The following PCDHGB5 variants were observed in gnomAD, a reference collection of about 807,000 sequenced individuals.
PCDHGB5 encodes protocadherin gamma-B5.
A neutral mutation model predicts 62.9 loss-of-function variants in PCDHGB5; 48 were observed. The ratio of observed to expected loss-of-function variants is 0.76; its 90% CI spans 0.61 to 0.97. PCDHGB5 has a LOEUF of 0.97. Among genes scored for constraint, PCDHGB5 ranks in the 50% least tolerant of loss-of-function variants. The pLI is 0.00. For missense variants in PCDHGB5, 1,118 were observed against 1,198.6 expected, an observed-to-expected ratio of 0.93 and a Z score of 0.99; for synonymous variants, 474 against 511.2, an observed-to-expected ratio of 0.93 and a Z score of 0.98.
At position 141,489,244 on chromosome 5, in the gene PCDHGB5, G is replaced by C. The variant is rs145484133; in HGVS notation, c.2398-5563G>C. The C allele has an allele frequency of 3.3e-6, 5 of 1,534,936 alleles. No homozygotes were observed. Among genetic ancestry groups the C allele is most frequent in the African/African-American group, 1.4e-5 (1 of 72,374 alleles). On this transcript the variant is annotated intron_variant, in intron 1 of 3. Transcript: ENST00000617380. This position sits in a 1 kb window ranked among gnomAD's most constrained non-coding sequence, Gnocchi z 4.5. ...TCCACAAAGGGACTTCTGGGTCATGGGGCCCAAGACACTCCCACAGCTCGC... is the reference window on the plus strand; with the variant it reads ...TCCACAAAGGGACTTCTGGGTCATGCGGCCCAAGACACTCCCACAGCTCGC...
At chr5:141,434,784 A>T (rs967716221) in intron 1 of PCDHGB5, among the ~76,000 whole-genome samples, 11 of 150,278 alleles carry the variant, frequency 7.3e-5, no homozygotes, top group East Asian at 5.8e-4. Flanking sequence ...AAAAAAAAAA[A>T]TTTTTTTTTC....
chr5:141,491,291 C>T lies in PCDHGB5; in HGVS notation c.2398-3516C>T. 1 of 1,614,152 alleles carries T rather than the reference C, an allele frequency of 6.2e-7. No homozygotes were observed. The highest frequency in any genetic ancestry group is 8.5e-7 in the Non-Finnish European group (1 of 1,179,974). On this transcript the variant is annotated intron_variant, in intron 1 of 3. Coordinates refer to ENST00000617380, the MANE Select transcript of PCDHGB5 (RefSeq NM_018925.3). This position sits in a 1 kb window ranked among gnomAD's most constrained non-coding sequence, Gnocchi z 6.9. The stretch of plus-strand genomic sequence containing the variant: ...AAATCCAGTGACTTCCTCATACACC[C>T]TCCTGAGCGTTCAGACCTTACCCTT...
At chr5:141,426,033 C>G (rs978171140) in intron 1 of PCDHGB5, among the ~76,000 whole-genome samples, 14 of 152,162 alleles carry the variant, frequency 9.2e-5, no homozygotes, top group African/African-American at 3.1e-4. Context: ...AGACTCAGAG[C>G]CCTGCTGTTG....
At chr5:141,421,009 T>C (rs948913987) in intron 1 of PCDHGB5, 1 of 515,496 alleles carries the variant, frequency 1.9e-6, no homozygotes, top group East Asian at 3.2e-5. Flanking sequence ...AATCAGGGAA[T>C]GGGAAGCTGC....
At chr5:141,460,983 G>GTGTGTA (rs1554142949) in intron 1 of PCDHGB5, among the ~76,000 whole-genome samples, 82 of 137,842 alleles carry the variant, frequency 5.9e-4, no homozygotes, top group African/African-American at 1.9e-3. Flanking sequence ...GTGTGTGTGT[G>GTGTGTA]TATATATATA....
Position 141,491,190 on chromosome 5 carries a change from C to A in PCDHGB5, c.2398-3617C>A, listed in dbSNP as rs759736855. On this transcript the variant is annotated intron_variant, in intron 1 of 3. Transcript: ENST00000617380. The surrounding 1 kb of genome is among the most constrained non-coding windows in gnomAD (Gnocchi z 6.9). ...AGCAGGTGGTGGTCCTGGTGAGGGA[C>A]AATGGTGACCCTTCACTCTCCTCCA... 1 of 1,614,192 alleles carries A rather than the reference C, an allele frequency of 6.2e-7. No homozygotes were observed. The highest frequency in any genetic ancestry group is 1.1e-5 in the South Asian group (1 of 91,082).
chr5:141,410,945 C>A, intron 1 of PCDHGB5: 1 of 192,458 alleles, frequency 5.2e-6, no homozygotes, highest in Non-Finnish European at 1.0e-5. Context: ...CCTCCGCCTT[C>A]TGGGTTCAAG....
intron 2 of PCDHGB5, among the ~76,000 whole-genome samples, chr5:141,497,076 C>T (rs1052240279): frequency 5.9e-5 from 9 of 151,826 alleles, no homozygotes; most frequent in Non-Finnish European, 8.8e-5. Context: ...GTAATCCCAG[C>T]GACTTAGGAG....
At chr5:141,488,021 C>A (rs570700985) in intron 1 of PCDHGB5, among the ~76,000 whole-genome samples, 1 of 152,244 alleles carries the variant, frequency 6.6e-6, no homozygotes, top group East Asian at 1.9e-4. Flanking sequence ...TACCTTAACT[C>A]TAGGTTACCA....
Position 141,485,208 on chromosome 5 carries a change from G to T in PCDHGB5, c.2398-9599G>T, listed in dbSNP as rs2099609377. On this transcript the variant is annotated intron_variant, in intron 1 of 3. Coordinates refer to ENST00000617380, the MANE Select transcript of PCDHGB5 (RefSeq NM_018925.3). This position sits in a 1 kb window ranked among gnomAD's most constrained non-coding sequence, Gnocchi z 5.7. ...AAGGTGAGAAGCTGGACAGAAATCT[G>T]GCGGTGGGCTACCCTTTTGTTCCTC... The T allele has an allele frequency of 6.2e-7, 1 of 1,613,998 alleles. No homozygotes were observed. The highest frequency in any genetic ancestry group is 1.3e-5 in the African/African-American group (1 of 74,930).
chr5:141,421,251 G>C (rs771398829), intron 1 of PCDHGB5: 1 of 1,606,888 alleles, frequency 6.2e-7, no homozygotes, highest in Non-Finnish European at 8.5e-7. Context: ...TACAGCGCGG[G>C]GACCGCAGTC....
chr5:141,478,744 T>C, intron 1 of PCDHGB5: 1 of 1,528,172 alleles, frequency 6.5e-7, no homozygotes, highest in Non-Finnish European at 8.8e-7. Flanking sequence ...TGTGGTCCCA[T>C]TTCAGGGGGA....
At chr5:141,400,796 A>G (rs2094076929) in intron 1 of PCDHGB5, 1 of 559,742 alleles carries the variant, frequency 1.8e-6, no homozygotes. Context: ...CCTCTTTCTC[A>G]AAGCTAATGA....
At chr5:141,475,950 C>T (rs1236145505) in intron 1 of PCDHGB5, 3 of 761,526 alleles carry the variant, frequency 3.9e-6, no homozygotes, top group East Asian at 2.7e-5. Context: ...CCCCTTTCTG[C>T]GCCCCGGGAT....
chr5:141,418,228 T>C, intron 1 of PCDHGB5: 2 of 1,613,990 alleles, frequency 1.2e-6, no homozygotes, highest in Non-Finnish European at 1.7e-6. Context: ...TTGTGGTGAT[T>C]GAGGATGTTA....
chr5:141,418,996 TG>T (rs745777250), intron 1 of PCDHGB5: 13 of 1,613,756 alleles, frequency 8.1e-6, no homozygotes, highest in Non-Finnish European at 1.1e-5. Flanking sequence ...CAGGGGAAAA[TG>T]GGGAAGTCAG....
intron 1 of PCDHGB5, among the ~76,000 whole-genome samples, chr5:141,465,063 C>T (rs187265709): frequency 8.5e-4 from 129 of 151,534 alleles, no homozygotes; most frequent in South Asian, 1.3e-3. Context: ...TTTGAATTGT[C>T]TGTTCATGTC....
chr5:141,410,158 G>A (rs755466762), intron 1 of PCDHGB5: 1 of 1,613,398 alleles, frequency 6.2e-7, no homozygotes, highest in Admixed American at 1.7e-5. Flanking sequence ...GTGGACAGCC[G>A]CCACTCTCTG....
rs373867677 is a variant in PCDHGB5 at position 141,432,049 on chromosome 5, G to A, written c.2397+31525G>A. The A allele has an allele frequency of 2.0e-5, 32 of 1,614,150 alleles. No individual in the cohort carries two copies. In the African/African-American group the frequency reaches 4.1e-4, roughly 21 times the overall value. ...TGACCGCCACTGACCGGGGAACCCC[G>A]CCCCTATCCACGGAAACTCATATCT... On this transcript the variant is annotated intron_variant, in intron 1 of 3. Coordinates refer to ENST00000617380, the MANE Select transcript of PCDHGB5 (RefSeq NM_018925.3). The surrounding 1 kb of genome is among the most constrained non-coding windows in gnomAD (Gnocchi z 6.0).
Sources: allele counts gnomAD v4.1 joint callset (sites outside exome capture counted in the v4.1 genomes callset), GRCh38; gene constraint gnomAD v4.1.1; non-coding constraint Gnocchi (gnomAD v3.1); transcripts MANE v1.5; gene names NCBI Gene and HGNC (gene_info 2026-07-23, HGNC 2026-07-21).